TLE4: variants seen among roughly 807,000 people sequenced by gnomAD.
TLE4 encodes TLE family member 4, transcriptional corepressor, also known as transducin-like enhancer protein 4.
A neutral mutation model predicts 92.8 loss-of-function variants in TLE4; 8 were observed. The ratio of observed to expected loss-of-function variants is 0.09; its 90% CI spans 0.05 to 0.16. The LOEUF is 0.16. Ranked by LOEUF, TLE4 falls within the 10% of genes least tolerant of loss-of-function variation. TLE4 has a pLI of 1.00. For synonymous variants in TLE4, 371 were observed against 374.1 expected, an observed-to-expected ratio of 0.99 and a Z score of 0.10; for missense variants, 675 against 997.6, an observed-to-expected ratio of 0.68 and a Z score of 4.36.
At chr9:79,641,918 C>T (rs1303456617) in intron 6 of TLE4, among the ~76,000 whole-genome samples, 1 of 150,990 alleles carries the variant, frequency 6.6e-6, no homozygotes, top group Non-Finnish European at 1.5e-5. Flanking sequence ...CATGAGTGTA[C>T]AGTGAAGTCT....
At chr9:79,645,169 G>A (rs118016572) in intron 6 of TLE4, among the ~76,000 whole-genome samples, 246 of 152,288 alleles carry the variant, frequency 1.6e-3, no homozygotes, top group Non-Finnish European at 2.4e-3. Flanking sequence ...CACAATATCC[G>A]TTAGTCTAGA....
At position 79,652,477 on chromosome 9, in the gene TLE4, G is replaced by A. The variant is rs192886259; in HGVS notation, c.391-116G>A. On this transcript the variant is annotated intron_variant, in intron 6 of 19. Coordinates refer to ENST00000376552, the MANE Select transcript of TLE4 (RefSeq NM_007005.6). ...GCTGGGATTACAGGCGTGAGCCACC[G>A]TGCCCAGCCGGTGTTGGCTTTTTTA... 7.3e-4 allele frequency: 840 copies of A among 1,157,402 alleles called. 5 individuals are homozygous for A. In the African/African-American group the frequency reaches 0.011, roughly 15 times the overall value. The allele number at this position is 1,157,402 out of a possible 1,614,324, so 71.7% of individuals were successfully genotyped here. A position where few individuals can be genotyped will look rare whatever the true frequency, so the allele number is the denominator to read the frequency against.
intron 14 of TLE4, among the ~76,000 whole-genome samples, chr9:79,716,710 T>C (rs2136161249): frequency 6.6e-6 from 1 of 152,344 alleles, no homozygotes; most frequent in South Asian, 2.1e-4. Flanking sequence ...TGCAGCCCTA[T>C]TGCCATTTTC....
At chr9:79,671,526 G>A in intron 8 of TLE4, 1 of 292,322 alleles carries the variant, frequency 3.4e-6, no homozygotes, top group Admixed American at 3.9e-5. Flanking sequence ...GGGAGAGGGA[G>A]TATACCCAAC....
chr9:79,636,374 A>G (rs983967319), intron 6 of TLE4, among the ~76,000 whole-genome samples: 1 of 152,182 alleles, frequency 6.6e-6, no homozygotes, highest in African/African-American at 2.4e-5. Context: ...CTGAATTTCT[A>G]ACCTTGGCCT....
chr9:79,585,648 T>A (rs1388336831), intron 4 of TLE4, among the ~76,000 whole-genome samples: 1 of 136,520 alleles, frequency 7.3e-6, no homozygotes, highest in East Asian at 2.0e-4. Context: ...TGTGATCCAG[T>A]GAACAGAAAT....
intron 6 of TLE4, among the ~76,000 whole-genome samples, chr9:79,632,952 C>T (rs957830931): frequency 2.0e-5 from 3 of 152,172 alleles, no homozygotes; most frequent in African/African-American, 7.2e-5. Context: ...CTTTACTCAC[C>T]TGCATTCATC....
Position 79,572,731 on chromosome 9 carries a change from G to A in TLE4, c.-60G>A. On this transcript the variant is annotated 5_prime_UTR_variant, in exon 1 of 20. Transcript: ENST00000376552. ...GCTGCCGCGGCCGCCTCCTCTTCGG[G>A]GTCATTAAAGCCAATGAGCCGCGCG... 1 of 1,567,768 alleles carries A rather than the reference G, an allele frequency of 6.4e-7. No homozygotes were observed. Among genetic ancestry groups the A allele is most frequent in the Non-Finnish European group, 8.7e-7 (1 of 1,153,658 alleles).
chr9:79,620,689 T>G (rs2050736391), intron 5 of TLE4, among the ~76,000 whole-genome samples: 1 of 152,214 alleles, frequency 6.6e-6, no homozygotes, highest in African/African-American at 2.4e-5. Context: ...ATCTAATTTC[T>G]TGGGTGACTG....
At chr9:79,619,227 T>C (rs1397229702) in intron 5 of TLE4, among the ~76,000 whole-genome samples, 1 of 152,208 alleles carries the variant, frequency 6.6e-6, no homozygotes, top group Non-Finnish European at 1.5e-5. Context: ...ACTCCTGTTT[T>C]GGACATGCCA....
chr9:79,649,757 T>C (rs914191246), intron 6 of TLE4: 1 of 1,309,862 alleles, frequency 7.6e-7, no homozygotes, highest in African/African-American at 1.5e-5. Context: ...AACTATGATT[T>C]CTGCCTTTGA....
intron 6 of TLE4, among the ~76,000 whole-genome samples, chr9:79,630,070 A>G (rs2053775429): frequency 6.6e-6 from 1 of 152,160 alleles, no homozygotes; most frequent in Non-Finnish European, 1.5e-5. Flanking sequence ...GCAAAGACCC[A>G]TCTAAGCCCC....
intron 8 of TLE4, among the ~76,000 whole-genome samples, chr9:79,677,881 T>A (rs1230994228): frequency 6.6e-6 from 1 of 152,096 alleles, no homozygotes; most frequent in Non-Finnish European, 1.5e-5. Flanking sequence ...TTTATCAAAC[T>A]ATGGAACTTT....
rs571032841 is a variant in TLE4 at position 79,663,224 on chromosome 9, A to G, written c.609+9149A>G. Among the ~76,000 whole-genome samples the G allele has an allele frequency of 1.5e-3, 232 of 152,334 alleles. 1 individual carries two copies. The highest frequency in any genetic ancestry group is 3.1e-3 in the South Asian group (15 of 4,824). ...TTATATTTTTATGAATTAAGCAGAA[A>G]CTAAAAGCTTGAAGAGACAGCTTTT... On this transcript the variant is annotated intron_variant, in intron 8 of 19. Coordinates refer to ENST00000376552, the MANE Select transcript of TLE4 (RefSeq NM_007005.6).
At chr9:79,719,963 A>T (rs952691438) in intron 15 of TLE4, 83 bp from the exon 16 acceptor site, 2 of 1,512,874 alleles carry the variant, frequency 1.3e-6, no homozygotes, top group Non-Finnish European at 1.8e-6. Flanking sequence ...AGGGAACACA[A>T]TACTTTTATG....
chr9:79,648,624 CTT>C (rs2058462904), intron 6 of TLE4, among the ~76,000 whole-genome samples: 5 of 152,210 alleles, frequency 3.3e-5, no homozygotes, highest in Admixed American at 3.3e-4. Flanking sequence ...CTGATGGAGA[CTT>C]AAAATAATCA....
intron 8 of TLE4, among the ~76,000 whole-genome samples, chr9:79,658,349 T>G (rs960636960): frequency 6.6e-6 from 1 of 152,210 alleles, no homozygotes; most frequent in African/African-American, 2.4e-5. Context: ...CTAAATGCTT[T>G]TCTCTGGGTA....
chr9:79,603,698 GT>G (rs1421184948), intron 4 of TLE4, among the ~76,000 whole-genome samples: 2 of 152,100 alleles, frequency 1.3e-5, no homozygotes, highest in Non-Finnish European at 2.9e-5. Context: ...TATCTCTTGT[GT>G]ATGCCTGTAT....
intron 4 of TLE4, among the ~76,000 whole-genome samples, chr9:79,593,951 A>G (rs1198723089): frequency 6.6e-6 from 1 of 152,224 alleles, no homozygotes; most frequent in East Asian, 1.9e-4. Context: ...TCAGCCAGTA[A>G]CTTCCTGTGA....
Sources: gnomAD v4.1 joint callset for allele counts (sites outside exome capture counted in the v4.1 genomes callset) on GRCh38, gnomAD v4.1.1 for gene constraint, MANE v1.5 for transcripts, NCBI Gene and HGNC (gene_info 2026-07-23, HGNC 2026-07-21) for gene names.